The following FNDC3A variants were observed in gnomAD, a reference collection of about 807,000 sequenced individuals.
The protein encoded by FNDC3A is fibronectin type III domain containing 3A, also known as fibronectin type-III domain-containing protein 3A.
FNDC3A carries 32 observed loss-of-function variants against 148.9 expected under a neutral mutation model. The ratio of observed to expected loss-of-function variants is 0.21; its 90% CI spans 0.16 to 0.29. The LOEUF is 0.29. Among genes scored for constraint, FNDC3A ranks in the 10% least tolerant of loss-of-function variants. The pLI is 1.00. For synonymous variants in FNDC3A, 472 were observed against 473.6 expected (o/e 1.00, Z 0.04); for missense variants, 1,191 against 1,452.8 (o/e 0.82, Z 2.93).
chr13:49,095,145 A>T (rs938602811), intron 3 of FNDC3A, among the ~76,000 whole-genome samples: 3 of 151,900 alleles, frequency 2.0e-5, no homozygotes, highest in East Asian at 1.9e-4. Flanking sequence ...ATGTATATAT[A>T]TTTTTTTAAA....
chr13:49,071,223 G>T (rs1029741502), intron 2 of FNDC3A, among the ~76,000 whole-genome samples: 3 of 151,670 alleles, frequency 2.0e-5, no homozygotes, highest in Non-Finnish European at 2.9e-5. Flanking sequence ...TTTTTCATGG[G>T]TGAAAAATAT....
intron 2 of FNDC3A, among the ~76,000 whole-genome samples, chr13:49,034,731 AT>A (rs1874372484): frequency 6.6e-6 from 1 of 152,032 alleles, no homozygotes; most frequent in South Asian, 2.1e-4. Flanking sequence ...AAAAAGATAA[AT>A]TAGTTTATTT....
In FNDC3A at chr13:49,017,430, C is replaced by T. The variant is rs574327704; in HGVS notation, c.99+11141C>T. Among the ~76,000 whole-genome samples, 7 of 152,026 alleles carry T rather than the reference C, an allele frequency of 4.6e-5. No homozygotes were observed. In the East Asian group the frequency reaches 1.2e-3, roughly 25 times the overall value. Reference sequence around the variant, plus strand: ...TAGATACTAGGATTGCAACCCCTGCCTTTTTTTGTTTTCCATTTGCTTGGT... The same window carrying T: ...TAGATACTAGGATTGCAACCCCTGCTTTTTTTTGTTTTCCATTTGCTTGGT... On this transcript the variant is annotated intron_variant, in intron 2 of 25. Transcript: ENST00000492622.
At chr13:49,131,889 T>C (rs1470831981) in intron 5 of FNDC3A, among the ~76,000 whole-genome samples, 2 of 152,196 alleles carry the variant, frequency 1.3e-5, no homozygotes, top group African/African-American at 4.8e-5. Flanking sequence ...TCCCATAGCT[T>C]TAAACACTGC....
At chr13:49,014,046 C>T (rs1340972814) in intron 2 of FNDC3A, among the ~76,000 whole-genome samples, 7 of 145,232 alleles carry the variant, frequency 4.8e-5, no homozygotes, top group African/African-American at 1.0e-4. Context: ...TGAATAATGC[C>T]GCAGTAAACA....
At chr13:49,067,673 G>T (rs11838683) in intron 2 of FNDC3A, among the ~76,000 whole-genome samples, 2,077 of 152,216 alleles carry the variant, frequency 0.014, 50 homozygotes, top group African/African-American at 0.047. Context: ...ATTTCTTATT[G>T]ATTTCGTCTG....
At chr13:49,062,646 G>A (rs1338820799) in intron 2 of FNDC3A, among the ~76,000 whole-genome samples, 2 of 152,120 alleles carry the variant, frequency 1.3e-5, no homozygotes, top group Non-Finnish European at 2.9e-5. Context: ...TGAATTCTGT[G>A]TAGTTTATCA....
At chr13:49,124,909 C>T (rs1167343886) in intron 4 of FNDC3A, among the ~76,000 whole-genome samples, 1 of 152,122 alleles carries the variant, frequency 6.6e-6, no homozygotes, top group Admixed American at 6.5e-5. Context: ...AAGTTAATAA[C>T]TTATCAAGAG....
At chr13:48,984,631 C>G (rs1472135100) in intron 1 of FNDC3A, among the ~76,000 whole-genome samples, 1 of 152,164 alleles carries the variant, frequency 6.6e-6, no homozygotes, top group African/African-American at 2.4e-5. Context: ...TAGGTACCCA[C>G]TTCGTGACAC....
chr13:49,042,107 C>A lies in FNDC3A; in HGVS notation c.100-33182C>A, dbSNP rs7985323. 5.2e-3 allele frequency among the ~76,000 whole-genome samples: 797 copies of A among 152,194 alleles called. 6 individuals carry two copies. The highest frequency in any genetic ancestry group is 0.018 in the African/African-American group (759 of 41,506). ...AGATATGGGAGTAAAAAGGAGCCAGCCTTATGAAGATCTTGGGAGAAGAGC... is the reference window on the plus strand; with the variant it reads ...AGATATGGGAGTAAAAAGGAGCCAGACTTATGAAGATCTTGGGAGAAGAGC... On this transcript the variant is annotated intron_variant, in intron 2 of 25. Coordinates refer to ENST00000492622, the MANE Select transcript of FNDC3A (RefSeq NM_001079673.2).
intron 19 of FNDC3A, among the ~76,000 whole-genome samples, chr13:49,193,606 G>C (rs1414523288): frequency 6.6e-6 from 1 of 152,170 alleles, no homozygotes; most frequent in Non-Finnish European, 1.5e-5. Context: ...GCCACTAGCA[G>C]TCTGTAAGTC....
intron 3 of FNDC3A, among the ~76,000 whole-genome samples, chr13:49,091,006 A>T (rs1406934714): frequency 6.6e-6 from 1 of 152,166 alleles, no homozygotes; most frequent in Non-Finnish European, 1.5e-5. Flanking sequence ...ATCTGCTTTT[A>T]CAGGGAAAAC....
intron 3 of FNDC3A, among the ~76,000 whole-genome samples, chr13:49,111,545 G>A (rs1300812211): frequency 6.6e-6 from 1 of 151,938 alleles, no homozygotes; most frequent in African/African-American, 2.4e-5. Flanking sequence ...GGCCAACATG[G>A]TGAAACCCCG....
At chr13:49,167,946 T>C (rs980533861) in intron 9 of FNDC3A, among the ~76,000 whole-genome samples, 40 of 152,318 alleles carry the variant, frequency 2.6e-4, no homozygotes, top group African/African-American at 7.7e-4. Flanking sequence ...CACATATCTT[T>C]TACTACATCC....
chr13:49,185,368 A>C (rs545559261), intron 14 of FNDC3A, among the ~76,000 whole-genome samples: 1 of 152,282 alleles, frequency 6.6e-6, no homozygotes, highest in South Asian at 2.1e-4. Context: ...TCAAGATGTC[A>C]ACTGGGGTTG....
intron 2 of FNDC3A, among the ~76,000 whole-genome samples, chr13:49,013,453 T>C (rs563540289): frequency 1.3e-5 from 2 of 152,152 alleles, no homozygotes; most frequent in East Asian, 3.9e-4. Context: ...TGTATACATG[T>C]ACATGTGTAT....
At chr13:49,000,964 T>G (rs61950690) in intron 1 of FNDC3A, among the ~76,000 whole-genome samples, 3 of 150,006 alleles carry the variant, frequency 2.0e-5, no homozygotes, top group Admixed American at 1.3e-4. Flanking sequence ...TTTTGTGTGT[T>G]TGTGTGTGTG....
intron 3 of FNDC3A, among the ~76,000 whole-genome samples, chr13:49,086,670 A>T (rs1878836129): frequency 6.6e-6 from 1 of 152,202 alleles, no homozygotes; most frequent in South Asian, 2.1e-4. Context: ...AGCAAACTAA[A>T]CCATGGAGAA....
intron 1 of FNDC3A, among the ~76,000 whole-genome samples, chr13:48,978,486 A>C (rs566875772): frequency 6.6e-6 from 1 of 152,320 alleles, no homozygotes; most frequent in Admixed American, 6.5e-5. Context: ...TATTTTTAAA[A>C]TACAATTTGA....
Sources: gnomAD v4.1 joint callset for allele counts (sites outside exome capture counted in the v4.1 genomes callset) on GRCh38, gnomAD v4.1.1 for gene constraint, MANE v1.5 for transcripts, NCBI Gene and HGNC (gene_info 2026-07-23, HGNC 2026-07-21) for gene names.